Variants in ALK observed in about 807,000 individuals in gnomAD.
ALK encodes the protein ALK tyrosine kinase receptor.
Under a neutral mutation model 163.1 loss-of-function variants are expected in ALK, and 74 were observed. The ratio of observed to expected loss-of-function variants is 0.45; its 90% CI spans 0.38 to 0.55. ALK has a LOEUF of 0.55. ALK is among the 20% of genes least tolerant of loss of function. ALK has a pLI of 0.00. For missense variants in ALK, 2,063 were observed against 2,105.3 expected (o/e 0.98, Z 0.39); for synonymous variants, 960 against 843.2 (o/e 1.14, Z -2.40).
rs573407058 is a variant in ALK at position 29,325,816 on chromosome 2, A to G, written c.1414+2534T>C. Among the ~76,000 whole-genome samples the G allele has an allele frequency of 1.6e-4, 24 of 152,338 alleles. No individual in the cohort carries two copies. The South Asian group carries it at 4.8e-3, about 30-fold the overall frequency. On this transcript the variant is annotated intron_variant, in intron 6 of 28. Coordinates refer to ENST00000389048, the MANE Select transcript of ALK (RefSeq NM_004304.5). ...TTGTAAGGATGAAGCAAGTTCCTAC[A>G]TGAAAAGTGTTGAGAACAGCTCCTG...
intron 3 of ALK, among the ~76,000 whole-genome samples, chr2:29,578,718 C>T (rs1674593827): frequency 6.6e-6 from 1 of 152,226 alleles, no homozygotes; most frequent in African/African-American, 2.4e-5. Context: ...AAAGCAAAAA[C>T]TGCCTCAAAA....
At position 29,222,506 on chromosome 2, in the gene ALK, C is replaced by A. The variant is rs2148169065; in HGVS notation, c.3450+11G>T. On this transcript the variant is annotated intron_variant, in intron 21 of 28. Coordinates refer to ENST00000389048, the MANE Select transcript of ALK (RefSeq NM_004304.5). ...AGCCAAGGGCAGGCTCAAGAGTGAG[C>A]CACTTCTTACCTTCACAGCCACTTG... 2 of 1,614,116 alleles carry A rather than the reference C, an allele frequency of 1.2e-6. No individual in the cohort carries two copies.
intron 5 of ALK, among the ~76,000 whole-genome samples, chr2:29,366,138 G>A (rs1244273380): frequency 6.6e-6 from 1 of 152,082 alleles, no homozygotes; most frequent in Non-Finnish European, 1.5e-5. Context: ...TTGAATATCT[G>A]GAACCAAGAA....
intron 13 of ALK, among the ~76,000 whole-genome samples, chr2:29,239,379 C>T (rs773926782): frequency 6.6e-6 from 1 of 152,162 alleles, no homozygotes; most frequent in Non-Finnish European, 1.5e-5. Context: ...TTTTCCCAAG[C>T]AAAAGCTGTG....
At chr2:29,792,825 T>C (rs926482961) in intron 1 of ALK, among the ~76,000 whole-genome samples, 6 of 152,162 alleles carry the variant, frequency 3.9e-5, no homozygotes, top group Non-Finnish European at 5.9e-5. Flanking sequence ...AATTTAAAAA[T>C]ACTTTATTGC....
intron 1 of ALK, among the ~76,000 whole-genome samples, chr2:29,745,983 A>ATC (rs1180251838): frequency 2.6e-5 from 4 of 152,212 alleles, no homozygotes; most frequent in Admixed American, 6.5e-5. Context: ...AATAATAGCA[A>ATC]TCTTAATGAG....
chr2:29,406,692 G>A (rs1431870748), intron 4 of ALK, among the ~76,000 whole-genome samples: 1 of 152,058 alleles, frequency 6.6e-6, no homozygotes, highest in Non-Finnish European at 1.5e-5. Context: ...ATGAGATCAG[G>A]AGATCGAGAC....
chr2:29,839,526 T>C (rs1320159492), intron 1 of ALK, among the ~76,000 whole-genome samples: 1 of 152,146 alleles, frequency 6.6e-6, no homozygotes, highest in Non-Finnish European at 1.5e-5. Flanking sequence ...AAGGTATCTT[T>C]ATGGAAATTT....
At chr2:29,472,273 A>G (rs1671365239) in intron 4 of ALK, among the ~76,000 whole-genome samples, 1 of 152,242 alleles carries the variant, frequency 6.6e-6, no homozygotes, top group South Asian at 2.1e-4. Flanking sequence ...CAAGTCTTCC[A>G]GCTCCCCAGT....
Position 29,921,082 on chromosome 2 carries a change from A to G in ALK, c.-423T>C, listed in dbSNP as rs956966073. 1 of 251,402 alleles carries G rather than the reference A, an allele frequency of 4.0e-6. No individual in the cohort carries two copies. The highest frequency in any genetic ancestry group is 2.2e-5 in the African/African-American group (1 of 45,936). The allele number at this position is 251,402 out of a possible 1,614,324, so 15.6% of individuals were successfully genotyped here. A position where few individuals can be genotyped will look rare whatever the true frequency, so the allele number is the denominator to read the frequency against. Reference sequence around the variant, plus strand: ...CTGTCCCCTCTCGGGGCAGCCTCCAATCTCTGCAACTTTTAAGGCTGAGAA... The same window carrying G: ...CTGTCCCCTCTCGGGGCAGCCTCCAGTCTCTGCAACTTTTAAGGCTGAGAA... On this transcript the variant is annotated 5_prime_UTR_variant, in exon 1 of 29. Coordinates refer to ENST00000389048, the MANE Select transcript of ALK (RefSeq NM_004304.5).
At chr2:29,276,388 C>T (rs1665547768) in intron 9 of ALK, among the ~76,000 whole-genome samples, 1 of 152,334 alleles carries the variant, frequency 6.6e-6, no homozygotes, top group South Asian at 2.1e-4. Context: ...CAGGAAAGTA[C>T]TTTTGGTTTG....
intron 3 of ALK, among the ~76,000 whole-genome samples, chr2:29,677,663 C>T (rs759615497): frequency 5.3e-5 from 8 of 151,910 alleles, no homozygotes; most frequent in African/African-American, 1.4e-4. Flanking sequence ...CCTTTTCATC[C>T]GTTGCTAAAT....
intron 4 of ALK, among the ~76,000 whole-genome samples, chr2:29,461,189 T>C (rs1671076168): frequency 6.6e-6 from 1 of 152,036 alleles, no homozygotes; most frequent in African/African-American, 2.4e-5. Flanking sequence ...CTAGCAGAGG[T>C]TGGTTTATGA....
At position 29,695,033 on chromosome 2, in the gene ALK, G is replaced by C. The variant is rs745521483; in HGVS notation, c.788-19C>G. On this transcript the variant is annotated intron_variant, in intron 2 of 28. Coordinates refer to ENST00000389048, the MANE Select transcript of ALK (RefSeq NM_004304.5). ...TCCAGACCTGCAATAATAGCCAAGG[G>C]TCAATGGAAAAAACCATTTCCCAAA... 5.0e-6 allele frequency: 8 copies of C among 1,613,898 alleles called. No homozygotes were observed. The East Asian group carries it at 1.8e-4, about 36-fold the overall frequency.
chr2:29,495,395 T>A (rs1671999963), intron 4 of ALK, among the ~76,000 whole-genome samples: 1 of 152,120 alleles, frequency 6.6e-6, no homozygotes. Flanking sequence ...CGAGTCAAGG[T>A]CTCTTCCCCT....
chr2:29,322,004 C>G (rs1667068164), intron 6 of ALK, among the ~76,000 whole-genome samples: 2 of 152,240 alleles, frequency 1.3e-5, no homozygotes, highest in African/African-American at 4.8e-5. Flanking sequence ...CTCCAGCTCA[C>G]TCTGAGCATG....
intron 5 of ALK, among the ~76,000 whole-genome samples, chr2:29,373,940 T>C (rs1051064660): frequency 6.6e-6 from 1 of 152,166 alleles, no homozygotes; most frequent in African/African-American, 2.4e-5. Flanking sequence ...CATAAGAGCA[T>C]AGGTCTTAGG....
At chr2:29,679,300 T>C (rs1244492142) in intron 3 of ALK, among the ~76,000 whole-genome samples, 1 of 151,918 alleles carries the variant, frequency 6.6e-6, no homozygotes, top group Non-Finnish European at 1.5e-5. Flanking sequence ...TTCCTTTTTA[T>C]GTAGTCTGAC....
At chr2:29,411,347 G>A (rs1187294200) in intron 4 of ALK, among the ~76,000 whole-genome samples, 3 of 151,964 alleles carry the variant, frequency 2.0e-5, no homozygotes, top group Admixed American at 2.0e-4. Context: ...ATATGTTCAG[G>A]GTGGATTTCT....
Sources: allele counts gnomAD v4.1 joint callset (sites outside exome capture counted in the v4.1 genomes callset), GRCh38; gene constraint gnomAD v4.1.1; transcripts MANE v1.5; gene names NCBI Gene and HGNC (gene_info 2026-07-23, HGNC 2026-07-21).